Variants in MAGEH1 observed in about 807,000 individuals in gnomAD.
MAGEH1 encodes the protein MAGE family member H1.
For synonymous variants in MAGEH1, 79 were observed against 70.3 expected (o/e 1.12, Z -0.62); for missense variants, 152 against 183.0 (o/e 0.83, Z 0.98).
rs1290909338 is a variant in MAGEH1, at chrX:55,452,975, G to A, written c.601G>A (p.Asp201Asn). The change falls in exon 1 of 1, where the codon GAT becomes AAT. Residue 201 changes from aspartate to asparagine, a missense_variant. Asp to Asn is a conservative substitution (Grantham distance 23). Transcript: ENST00000342972. ...TTGTAATTATGACTGGGATTCGGAC[G>A]ATGATGCAGAGGTTGAGGCTATCCT... Reference protein sequence around the residue: ...WPCNYDWDSDDDAEVEAILNS... With the variant: ...WPCNYDWDSDNDAEVEAILNS... 2 of 1,211,471 alleles carry A rather than the reference G, an allele frequency of 1.7e-6. No individual in the cohort carries two copies. Among genetic ancestry groups the A allele is most frequent in the Admixed American group, 2.2e-5 (1 of 46,034 alleles).
Sources: gnomAD v4.1 joint callset for allele counts on GRCh38, gnomAD v4.1.1 for gene constraint, MANE v1.5 for transcripts, NCBI Gene and HGNC (gene_info 2026-07-23, HGNC 2026-07-21) for gene names.